The following C4orf17 variants were observed in gnomAD, a reference collection of about 807,000 sequenced individuals.
The protein encoded by C4orf17 is chromosome 4 open reading frame 17.
C4orf17 carries 25 observed loss-of-function variants against 32.0 expected under a neutral mutation model. The ratio of observed to expected loss-of-function variants is 0.78; its 90% confidence interval spans 0.57 to 1.09. The LOEUF (loss-of-function observed/expected upper bound fraction) is 1.09. Ranked by LOEUF, C4orf17 falls within the 50% of genes least tolerant of loss-of-function variation. The pLI, the probability that C4orf17 is intolerant of heterozygous loss-of-function variation, is 0.00. For synonymous variants in C4orf17, 149 were observed against 145.8 expected (o/e 1.02, Z -0.16); for missense variants, 420 against 420.0 (o/e 1.00, Z 0.00).
At position 99,524,216 on chromosome 4, in the gene C4orf17, C is replaced by T. The variant is rs536966763; in HGVS notation, c.338-305C>T. Among the ~76,000 whole-genome samples, 54 of 152,072 alleles carry T rather than the reference C, an allele frequency of 3.6e-4. 2 individuals carry two copies. In the South Asian group the frequency reaches 0.01, roughly 29 times the overall value. ...CAGGATGGTCTCGATCTCCTGACCTCGTGATCCGCCCGCCTTGGCCTCCCT... is the reference window on the plus strand; with the variant it reads ...CAGGATGGTCTCGATCTCCTGACCTTGTGATCCGCCCGCCTTGGCCTCCCT... On this transcript the variant is annotated intron_variant, in intron 3 of 8. Transcript: ENST00000326581.
intron 4 of C4orf17, among the ~76,000 whole-genome samples, chr4:99,526,475 A>G (rs1300587852): frequency 6.6e-6 from 1 of 152,178 alleles, no homozygotes; most frequent in African/African-American, 2.4e-5. Context: ...TAATATCAGC[A>G]TAATGCTGGC....
At chr4:99,530,624 C>T (rs188726265) in intron 5 of C4orf17, among the ~76,000 whole-genome samples, 1,968 of 152,156 alleles carry the variant, frequency 0.013, 65 homozygotes, top group Middle Eastern at 0.085. Flanking sequence ...AATGATGCCT[C>T]TAACTGGAAT....
chr4:99,518,592 G>A (rs1283940809), intron 2 of C4orf17, among the ~76,000 whole-genome samples: 1 of 137,122 alleles, frequency 7.3e-6, no homozygotes, highest in African/African-American at 2.8e-5. Context: ...GAGGGAGGGA[G>A]ACAGAGAGAG....
chr4:99,534,333 G>A (rs1723525628), intron 5 of C4orf17, among the ~76,000 whole-genome samples: 1 of 152,178 alleles, frequency 6.6e-6, no homozygotes, highest in Non-Finnish European at 1.5e-5. Context: ...TGGCTGCGTA[G>A]TATTCCATGG....
chr4:99,531,065 T>C (rs997006444), intron 5 of C4orf17, among the ~76,000 whole-genome samples: 1 of 152,078 alleles, frequency 6.6e-6, no homozygotes, highest in Admixed American at 6.6e-5. Context: ...AGAGATACTT[T>C]CTCTAACCAT....
chr4:99,522,732 A>G lies in C4orf17; in HGVS notation c.337+23A>G, dbSNP rs369429435. On this transcript the variant is annotated intron_variant, in intron 3 of 8. Transcript: ENST00000326581. ...CTGGTGAGTTGAGTTAGAACTGATG[A>G]AATGTTTCCTTATGCCTCCTGCAAA... 570 of 1,587,268 alleles carry G rather than the reference A, an allele frequency of 3.6e-4. 1 individual carries two copies. The highest frequency in any genetic ancestry group is 4.5e-4 in the Non-Finnish European group (526 of 1,158,902).
intron 2 of C4orf17, among the ~76,000 whole-genome samples, chr4:99,515,653 G>C (rs918006673): frequency 6.6e-6 from 1 of 151,920 alleles, no homozygotes; most frequent in Non-Finnish European, 1.5e-5. Flanking sequence ...CATGACACAA[G>C]TGTACCTATC....
At chr4:99,540,308 A>G (rs1335519309) in intron 7 of C4orf17, 104 bp from the exon 8 acceptor site, 8 of 712,544 alleles carry the variant, frequency 1.1e-5, no homozygotes, top group African/African-American at 9.0e-5. Flanking sequence ...GGGGTAGCAT[A>G]TTTAAGATAC....
intron 4 of C4orf17, among the ~76,000 whole-genome samples, chr4:99,527,346 A>G (rs1171174397): frequency 6.6e-6 from 1 of 152,168 alleles, no homozygotes; most frequent in Non-Finnish European, 1.5e-5. Flanking sequence ...TTTTTCATGT[A>G]CCCATGAAAC....
intron 2 of C4orf17, among the ~76,000 whole-genome samples, chr4:99,518,583 AGG>A (rs1353897940): frequency 0.013 from 1,325 of 104,622 alleles, 64 homozygotes; most frequent in African/African-American, 0.05. Flanking sequence ...AGAGAGAGAG[AGG>A]GAGGGAGACA....
chr4:99,524,467 T>C (rs1192872805), intron 3 of C4orf17, 54 bp from the exon 4 acceptor site: 4 of 1,046,212 alleles, frequency 3.8e-6, no homozygotes, highest in Admixed American at 1.8e-5. Context: ...TATCATGTGA[T>C]ATAAATTCTT....
chr4:99,533,500 T>C (rs1022223337), intron 5 of C4orf17, among the ~76,000 whole-genome samples: 14 of 152,184 alleles, frequency 9.2e-5, no homozygotes, highest in Non-Finnish European at 1.5e-4. Flanking sequence ...TGCCTAATCA[T>C]GGCACAGAGA....
intron 5 of C4orf17, among the ~76,000 whole-genome samples, chr4:99,530,931 C>T (rs1723468126): frequency 6.6e-6 from 1 of 152,032 alleles, no homozygotes; most frequent in Non-Finnish European, 1.5e-5. Flanking sequence ...ACACTCTGGC[C>T]ACTTTGATCT....
intron 5 of C4orf17, among the ~76,000 whole-genome samples, chr4:99,536,583 G>C (rs770485126): frequency 6.6e-6 from 1 of 152,196 alleles, no homozygotes; most frequent in Non-Finnish European, 1.5e-5. Flanking sequence ...CAGCAGGCTA[G>C]AACAGCTGAG....
intron 6 of C4orf17, among the ~76,000 whole-genome samples, chr4:99,538,854 C>A (rs1041189876): frequency 6.6e-6 from 1 of 152,090 alleles, no homozygotes; most frequent in African/African-American, 2.4e-5. Flanking sequence ...GTATAGGTAT[C>A]CTTATATCTT....
intron 3 of C4orf17, among the ~76,000 whole-genome samples, chr4:99,524,146 AT>A (rs533356082): frequency 2.6e-5 from 4 of 151,776 alleles, no homozygotes; most frequent in East Asian, 1.9e-4. Flanking sequence ...CGCCCGGCTA[AT>A]TTTTTTGTAT....
At chr4:99,540,479 A>C (rs1284106147) in intron 8 of C4orf17, 24 bp downstream of exon 8, 7 of 1,560,328 alleles carry the variant, frequency 4.5e-6, no homozygotes, top group African/African-American at 1.4e-5. Context: ...TTTGGTAACT[A>C]TTGAGTTGGT....
chr4:99,517,157 C>T (rs1261800551), intron 2 of C4orf17, among the ~76,000 whole-genome samples: 1 of 152,166 alleles, frequency 6.6e-6, no homozygotes, highest in East Asian at 1.9e-4. Flanking sequence ...ATCTGCATGC[C>T]ACTCTGACTT....
intron 5 of C4orf17, among the ~76,000 whole-genome samples, chr4:99,533,386 G>T (rs1425392363): frequency 6.6e-6 from 1 of 152,144 alleles, no homozygotes; most frequent in Non-Finnish European, 1.5e-5. Context: ...ATACAGAAAT[G>T]ATTTTCAGGT....
Sources: gnomAD v4.1 joint callset for allele counts (sites outside exome capture counted in the v4.1 genomes callset) on GRCh38, gnomAD v4.1.1 for gene constraint, MANE v1.5 for transcripts, NCBI Gene and HGNC (gene_info 2026-07-23, HGNC 2026-07-21) for gene names.